ATRNL1: variants seen among roughly 807,000 people sequenced by gnomAD.
The protein encoded by ATRNL1 is attractin like 1.
Under a neutral mutation model 182.7 loss-of-function variants are expected in ATRNL1, and 95 were observed. The observed-to-expected ratio is 0.52, with a 90% confidence interval of 0.44 to 0.62. ATRNL1 has a LOEUF of 0.62. ATRNL1 is among the 20% of genes least tolerant of loss of function. ATRNL1 has a pLI of 0.00. For synonymous variants in ATRNL1, 576 were observed against 568.3 expected (o/e 1.01, Z -0.19); for missense variants, 1,471 against 1,679.5 (o/e 0.88, Z 2.17).
At chr10:115,815,423 G>GTGTGTC (rs1275240966) in intron 27 of ATRNL1, among the ~76,000 whole-genome samples, 3 of 150,688 alleles carry the variant, frequency 2.0e-5, no homozygotes, top group African/African-American at 7.3e-5. Context: ...GTATGTGTGT[G>GTGTGTC]TGTGTGTGTG....
chr10:115,204,019 T>C (rs1554893174), intron 8 of ATRNL1, among the ~76,000 whole-genome samples: 3 of 152,084 alleles, frequency 2.0e-5, no homozygotes, highest in Non-Finnish European at 2.9e-5. Context: ...CTTGGAGATA[T>C]AATCCTTGCT....
intron 27 of ATRNL1, among the ~76,000 whole-genome samples, chr10:115,840,372 A>T (rs1248658343): frequency 1.3e-5 from 2 of 152,180 alleles, no homozygotes; most frequent in African/African-American, 2.4e-5. Context: ...CATATTCTTC[A>T]TACGGAACAA....
intron 27 of ATRNL1, among the ~76,000 whole-genome samples, chr10:115,738,154 T>TTTTTTTTTTTTTTTTTC (rs71010046): frequency 0.016 from 991 of 63,860 alleles, 271 homozygotes; most frequent in East Asian, 0.041. Flanking sequence ...TTTTTTTTTT[T>TTTTTTTTTTTTTTTTTC]TTGAGATGGA....
intron 26 of ATRNL1, among the ~76,000 whole-genome samples, chr10:115,632,814 T>TA (rs1408434331): frequency 6.6e-6 from 1 of 151,876 alleles, no homozygotes; most frequent in Non-Finnish European, 1.5e-5. Context: ...ATACTAACTT[T>TA]AAAAAATGAG....
rs782485662 is a variant in ATRNL1 at position 115,334,335 on chromosome 10, T to C, written c.3091T>C (p.Cys1031Arg). ...TCINNNVCEQ[C>R]KNLTTGKQCQ... is the part of the protein sequence containing the mutation. Reference sequence around the variant, plus strand: ...CATCAATAATAATGTGTGCGAACAGTGTAAAAATCTCACCACAGGAAAGCA... The same window carrying C: ...CATCAATAATAATGTGTGCGAACAGCGTAAAAATCTCACCACAGGAAAGCA... The change falls in exon 19 of 29, where the codon TGT (cysteine) becomes CGT (arginine). Residue 1031 changes from cysteine (C) to arginine (R), a missense_variant. Coordinates refer to ENST00000355044, the MANE Select transcript of ATRNL1 (RefSeq NM_207303.4). 2 of 1,604,670 alleles carry C rather than the reference T, an allele frequency of 1.2e-6. No individual in the cohort carries two copies. Among genetic ancestry groups the C allele is most frequent in the Non-Finnish European group, 1.7e-6 (2 of 1,173,330 alleles).
At chr10:115,355,642 TA>T (rs1169330355) in intron 19 of ATRNL1, among the ~76,000 whole-genome samples, 1 of 151,950 alleles carries the variant, frequency 6.6e-6, no homozygotes, top group East Asian at 1.9e-4. Context: ...ATACAGACAT[TA>T]AAAAAAATTC....
intron 10 of ATRNL1, among the ~76,000 whole-genome samples, chr10:115,247,465 AAACAC>A (rs1263050386): frequency 3.3e-5 from 5 of 152,244 alleles, no homozygotes; most frequent in Non-Finnish European, 2.9e-5. Context: ...ATACAAATCA[AAACAC>A]AATGAAGTAT....
intron 27 of ATRNL1, among the ~76,000 whole-genome samples, chr10:115,764,175 T>C: frequency 6.6e-6 from 1 of 152,148 alleles, no homozygotes; most frequent in Non-Finnish European, 1.5e-5. Flanking sequence ...CAGTTTTAGG[T>C]TCACAGCAAA....
intron 20 of ATRNL1, among the ~76,000 whole-genome samples, chr10:115,411,453 A>G (rs1264860687): frequency 6.6e-6 from 1 of 152,034 alleles, no homozygotes; most frequent in African/African-American, 2.4e-5. Flanking sequence ...CAAAGTCTGT[A>G]ATACATAGTT....
intron 1 of ATRNL1, among the ~76,000 whole-genome samples, chr10:115,103,688 C>G (rs573401086): frequency 1.3e-4 from 20 of 152,288 alleles, no homozygotes; most frequent in African/African-American, 4.6e-4. Flanking sequence ...CCATTTCCCC[C>G]ACTCCAATAC....
At chr10:115,376,045 T>C (rs1857652294) in intron 19 of ATRNL1, among the ~76,000 whole-genome samples, 1 of 152,196 alleles carries the variant, frequency 6.6e-6, no homozygotes, top group Non-Finnish European at 1.5e-5. Context: ...TCTTAGCTTT[T>C]TGTGTGTCTT....
rs189442975 is a variant in ATRNL1 at position 115,798,150 on chromosome 10, C to T, written c.3904-49727C>T. Among the ~76,000 whole-genome samples, 541 of 152,234 alleles carry T rather than the reference C, an allele frequency of 3.6e-3. 14 individuals are homozygous for T. The East Asian group carries it at 0.04, about 11-fold the overall frequency. On this transcript the variant is annotated intron_variant, in intron 27 of 28. Transcript: ENST00000355044. ...GCCAGGATGGTCTCGATCTCCTGACCTTGTGATCCGCCCACCTCGGCCTCC... is the reference window on the plus strand; with the variant it reads ...GCCAGGATGGTCTCGATCTCCTGACTTTGTGATCCGCCCACCTCGGCCTCC...
At chr10:115,237,529 T>C (rs1231486327) in intron 9 of ATRNL1, among the ~76,000 whole-genome samples, 1 of 152,230 alleles carries the variant, frequency 6.6e-6, no homozygotes, top group Non-Finnish European at 1.5e-5. Context: ...AAATATGTCT[T>C]CTTAGAAAAG....
At chr10:115,211,203 T>C (rs12241864) in intron 8 of ATRNL1, among the ~76,000 whole-genome samples, 3,781 of 151,892 alleles carry the variant, frequency 0.025, 156 homozygotes, top group African/African-American at 0.086. Flanking sequence ...GAAGAAGTTC[T>C]TTTAACCATT....
At chr10:115,435,824 T>C (rs1414188882) in intron 21 of ATRNL1, among the ~76,000 whole-genome samples, 2 of 152,184 alleles carry the variant, frequency 1.3e-5, no homozygotes, top group Admixed American at 6.5e-5. Flanking sequence ...ATTTAGGTTT[T>C]TAAGTAAAAT....
At chr10:115,725,590 A>G (rs184929292) in intron 26 of ATRNL1, among the ~76,000 whole-genome samples, 2 of 152,306 alleles carry the variant, frequency 1.3e-5, no homozygotes, top group African/African-American at 4.8e-5. Context: ...ATTGTGTTCA[A>G]ACACAAAGTG....
At chr10:115,825,587 A>C (rs1420525094) in intron 27 of ATRNL1, among the ~76,000 whole-genome samples, 1 of 152,094 alleles carries the variant, frequency 6.6e-6, no homozygotes, top group Non-Finnish European at 1.5e-5. Context: ...TTTGCCTACA[A>C]ATGGCACACA....
chr10:115,641,600 G>A (rs1211637967), intron 26 of ATRNL1, among the ~76,000 whole-genome samples: 3 of 152,272 alleles, frequency 2.0e-5, no homozygotes, highest in African/African-American at 7.2e-5. Flanking sequence ...GTGCACCTAT[G>A]TGATATTACT....
intron 9 of ATRNL1, chr10:115,220,443 G>C (rs940503378): frequency 1.3e-5 from 2 of 152,154 alleles, no homozygotes. Context: ...TGGTTGCAAC[G>C]TATTGTACAA....
Sources: gnomAD v4.1 joint callset for allele counts (sites outside exome capture counted in the v4.1 genomes callset) on GRCh38, gnomAD v4.1.1 for gene constraint, MANE v1.5 for transcripts, NCBI Gene and HGNC (gene_info 2026-07-23, HGNC 2026-07-21) for gene names.